Variants in DLG1 observed in about 807,000 individuals in gnomAD.
The protein encoded by DLG1 is discs large MAGUK scaffold protein 1, also known as disks large homolog 1.
DLG1 carries 42 observed loss-of-function variants against 123.4 expected under a neutral mutation model. The observed-to-expected ratio is 0.34, with a 90% confidence interval of 0.27 to 0.44. The LOEUF (loss-of-function observed/expected upper bound fraction) is 0.44, where lower values mean the gene tolerates loss of function less well. Ranked by LOEUF, DLG1 falls within the 20% of genes least tolerant of loss-of-function variation. The pLI is 1.00. For missense variants in DLG1, 942 were observed against 1,082.6 expected (o/e 0.87, Z 1.82); for synonymous variants, 317 against 356.2 (o/e 0.89, Z 1.24).
chr3:197,193,020 T>C (rs1222737556), intron 5 of DLG1, among the ~76,000 whole-genome samples: 3 of 152,240 alleles, frequency 2.0e-5, no homozygotes, highest in Admixed American at 2.0e-4. Flanking sequence ...AATTAACTGA[T>C]AGAAAATCTG....
intron 4 of DLG1, among the ~76,000 whole-genome samples, chr3:197,247,306 G>C (rs559460594): frequency 1.3e-5 from 2 of 152,288 alleles, no homozygotes; most frequent in East Asian, 3.9e-4. Flanking sequence ...CATTGATTCA[G>C]GATTACATGG....
Position 197,142,737 on chromosome 3 carries a change from T to G in DLG1, c.569A>C (p.Glu190Ala). The G allele has an allele frequency of 6.2e-7, 1 of 1,608,740 alleles. No homozygotes were observed. The highest frequency in any genetic ancestry group is 8.5e-7 in the Non-Finnish European group (1 of 1,177,938). The change falls in exon 7 of 25, where the codon GAA (glutamate) becomes GCA (alanine). Residue 190 changes from glutamate to alanine, a missense_variant. Physicochemically the swap from Glu to Ala is moderately radical, Grantham distance 107. Coordinates refer to ENST00000667157, the MANE Select transcript of DLG1 (RefSeq NM_001366207.1). ...VNGTDADYEY[E>A]EITLERGNSG... ...TTTTACCCTTTCAAGTGTGATTTCT[T>G]CATATTCATAATCTGCATCTGTGCC... is the stretch of plus-strand genomic sequence containing the variant.
At chr3:197,103,850 G>A (rs1764884415) in intron 14 of DLG1, among the ~76,000 whole-genome samples, 1 of 151,740 alleles carries the variant, frequency 6.6e-6, no homozygotes, top group African/African-American at 2.4e-5. Context: ...TATTCATCAT[G>A]TTGTTTATGA....
rs144860862 is a variant in DLG1, at chr3:197,222,600, C to T, written c.319-28011G>A. ...TCATTAAGAATATGAAGCAACATAG[C>T]AAGGAGATACGAACAAGTCCCTGAA... is the stretch of plus-strand genomic sequence containing the variant. On this transcript the variant is annotated intron_variant, in intron 4 of 24. Coordinates refer to ENST00000667157, the MANE Select transcript of DLG1 (RefSeq NM_001366207.1). Among the ~76,000 whole-genome samples the T allele has an allele frequency of 3.5e-4, 53 of 152,252 alleles. No homozygotes were observed. The East Asian group carries it at 0.01, about 29-fold the overall frequency.
chr3:197,214,490 G>A (rs1044813349), intron 4 of DLG1, among the ~76,000 whole-genome samples: 4 of 151,902 alleles, frequency 2.6e-5, no homozygotes, highest in Admixed American at 6.6e-5. Flanking sequence ...GGAGAATGGC[G>A]TGAACCCAGG....
upstream of DLG1, chr3:197,298,709 C>T (rs1285890372): frequency 1.3e-5 from 5 of 397,048 alleles, no homozygotes; most frequent in East Asian, 1.4e-4. Context: ...GGGAGGAGTT[C>T]GGGGAGGGGT....
At chr3:197,291,863 A>G (rs1287871080) in intron 3 of DLG1, among the ~76,000 whole-genome samples, 1 of 152,250 alleles carries the variant, frequency 6.6e-6, no homozygotes. Flanking sequence ...GCACATAGAA[A>G]GTGCTCAATA....
chr3:197,216,367 T>G (rs989572882), intron 4 of DLG1, among the ~76,000 whole-genome samples: 4 of 152,142 alleles, frequency 2.6e-5, no homozygotes, highest in Non-Finnish European at 1.5e-5. Context: ...TGGCAGGACT[T>G]ATGAGAGTGA....
At chr3:197,100,607 C>T (rs1762934409) in intron 14 of DLG1, among the ~76,000 whole-genome samples, 1 of 151,962 alleles carries the variant, frequency 6.6e-6, no homozygotes, top group Admixed American at 6.6e-5. Flanking sequence ...TCTTGAGGAA[C>T]AATAAGATTA....
At chr3:197,100,082 C>T (rs28507925) in intron 14 of DLG1, among the ~76,000 whole-genome samples, 2,611 of 151,814 alleles carry the variant, frequency 0.017, 24 homozygotes, top group Middle Eastern at 0.068. Flanking sequence ...AGCACAGGCG[C>T]GTAGAAAAAT....
intron 10 of DLG1, among the ~76,000 whole-genome samples, chr3:197,134,432 A>G (rs2149582992): frequency 6.6e-6 from 1 of 151,208 alleles, no homozygotes; most frequent in Non-Finnish European, 1.5e-5. Context: ...TGTTCACCAG[A>G]ACACACAGCA....
chr3:197,115,036 C>T (rs1579516178), intron 13 of DLG1, among the ~76,000 whole-genome samples: 1 of 134,540 alleles, frequency 7.4e-6, no homozygotes, highest in African/African-American at 2.8e-5. Context: ...AAGAGCAAGA[C>T]AGTCCTATAC....
At chr3:197,066,589 A>G (rs1000347376) in intron 20 of DLG1, 115 bp downstream of exon 20, 1 of 620,778 alleles carries the variant, frequency 1.6e-6, no homozygotes. Flanking sequence ...CTACATGTAT[A>G]TGTAGTAAAA....
intron 13 of DLG1, among the ~76,000 whole-genome samples, chr3:197,107,399 G>T (rs1767102690): frequency 6.6e-6 from 1 of 152,036 alleles, no homozygotes; most frequent in Non-Finnish European, 1.5e-5. Context: ...AAAAAAATTA[G>T]CCGGGCGTGG....
intron 10 of DLG1, among the ~76,000 whole-genome samples, chr3:197,131,643 G>GAGTGC: frequency 7.6e-6 from 1 of 131,862 alleles, no homozygotes; most frequent in East Asian, 2.3e-4. Flanking sequence ...GCCCAGGCTG[G>GAGTGC]AGTGCAGTGG....
chr3:197,166,466 C>T (rs1801461983), intron 5 of DLG1, among the ~76,000 whole-genome samples: 1 of 152,132 alleles, frequency 6.6e-6, no homozygotes, highest in Non-Finnish European at 1.5e-5. Flanking sequence ...TAAATATAGA[C>T]ATAAATGTGT....
intron 16 of DLG1, among the ~76,000 whole-genome samples, chr3:197,081,486 G>A (rs946025583): frequency 5.3e-5 from 8 of 152,196 alleles, no homozygotes; most frequent in African/African-American, 1.7e-4. Flanking sequence ...AATTAAGCTA[G>A]AGAAAGCAAA....
chr3:197,241,693 G>A (rs1310063541), intron 4 of DLG1, among the ~76,000 whole-genome samples: 1 of 152,150 alleles, frequency 6.6e-6, no homozygotes, highest in Non-Finnish European at 1.5e-5. Context: ...TTCTTAGAGG[G>A]AGGGATGAAG....
chr3:197,056,099 G>C (rs908199984), intron 23 of DLG1, among the ~76,000 whole-genome samples: 1 of 152,148 alleles, frequency 6.6e-6, no homozygotes, highest in African/African-American at 2.4e-5. Context: ...CCTTCCCCTG[G>C]AAGTCATAAG....
Sources: allele counts gnomAD v4.1 joint callset (sites outside exome capture counted in the v4.1 genomes callset), GRCh38; gene constraint gnomAD v4.1.1; transcripts MANE v1.5; gene names NCBI Gene and HGNC (gene_info 2026-07-23, HGNC 2026-07-21).